Variants in MAST4 observed in about 807,000 individuals in gnomAD.
MAST4 encodes the protein microtubule associated serine/threonine kinase family member 4.
In MAST4, 89 loss-of-function variants were observed where a neutral mutation model predicts 162.7. That is an observed-to-expected ratio of 0.55 (90% CI 0.46 to 0.65). The LOEUF (loss-of-function observed/expected upper bound fraction) is 0.65, where lower values mean the gene tolerates loss of function less well. MAST4 is among the 30% of genes least tolerant of loss of function. The probability of loss-of-function intolerance (pLI) is 0.00; values close to 1 mark genes in which losing one functional copy is unlikely to be tolerated. For synonymous variants in MAST4, 1,479 were observed against 1,361.1 expected, an observed-to-expected ratio of 1.09 and a Z score of -1.91; for missense variants, 3,153 against 3,374.0, an observed-to-expected ratio of 0.93 and a Z score of 1.62.
chr5:66,627,830 C>T (rs1220291519), intron 1 of MAST4, among the ~76,000 whole-genome samples: 1 of 151,944 alleles, frequency 6.6e-6, no homozygotes, highest in African/African-American at 2.4e-5. Context: ...TATTGTCACT[C>T]CAGTTTCATT....
intron 3 of MAST4, among the ~76,000 whole-genome samples, chr5:66,876,417 G>T (rs992747402): frequency 6.6e-6 from 1 of 152,102 alleles, no homozygotes; most frequent in Non-Finnish European, 1.5e-5. Context: ...GGAGATAGGG[G>T]ATGTGACACA....
intron 2 of MAST4, among the ~76,000 whole-genome samples, chr5:66,787,157 A>G (rs1411870239): frequency 6.6e-6 from 1 of 152,218 alleles, no homozygotes; most frequent in Non-Finnish European, 1.5e-5. Flanking sequence ...AATAGTTAAC[A>G]TTTACTGAGT....
At chr5:66,655,802 G>A (rs1172809272) in intron 1 of MAST4, among the ~76,000 whole-genome samples, 1 of 152,198 alleles carries the variant, frequency 6.6e-6, no homozygotes, top group African/African-American at 2.4e-5. Context: ...TGCCTCATTA[G>A]TAAACAGGCC....
In MAST4 at chr5:67,166,443, C is replaced by T. The variant is rs927889745; in HGVS notation, c.7264C>T (p.Pro2422Ser). 4 of 1,602,446 alleles carry T rather than the reference C, an allele frequency of 2.5e-6. No homozygotes were observed. The highest frequency in any genetic ancestry group is 3.4e-6 in the Non-Finnish European group (4 of 1,174,274). Residue 2422 changes from proline (P) to serine (S), a missense_variant, in exon 29 of 29, where the codon CCC becomes TCC. By Grantham distance (74) the Pro-to-Ser change is moderately conservative. This residue lies in a region of MAST4 where 1,644 missense variants were observed against 1,495.0 expected (regional missense o/e 1.10). Transcript: ENST00000403625. ...KGFPEARGKG[P>S]GPQKPPTEAD... is the part of the protein sequence containing the mutation. ...CTTCCCTGAGGCCAGAGGGAAAGGG[C>T]CCGGTCCCCAGAAGCCACCGACGGA...
At chr5:66,634,785 G>A (rs1020695933) in intron 1 of MAST4, among the ~76,000 whole-genome samples, 1 of 152,250 alleles carries the variant, frequency 6.6e-6, no homozygotes, top group Admixed American at 6.5e-5. Context: ...TGGGCCCAAG[G>A]TAGGGCTTGA....
At chr5:67,015,869 C>T (rs1279489705) in intron 4 of MAST4, among the ~76,000 whole-genome samples, 1 of 152,194 alleles carries the variant, frequency 6.6e-6, no homozygotes, top group Non-Finnish European at 1.5e-5. Flanking sequence ...CTGAATCACT[C>T]TCTGAAACCT....
intron 4 of MAST4, among the ~76,000 whole-genome samples, chr5:66,962,593 G>T (rs1232044671): frequency 6.6e-6 from 1 of 152,062 alleles, no homozygotes; most frequent in East Asian, 1.9e-4. Flanking sequence ...TTATAGTCCT[G>T]GCTACTTGGG....
At chr5:67,082,932 G>T (rs1762838313) in intron 5 of MAST4, among the ~76,000 whole-genome samples, 1 of 152,200 alleles carries the variant, frequency 6.6e-6, no homozygotes, top group East Asian at 1.9e-4. Context: ...TCACCAAAAA[G>T]GGAGGTTGGG....
intron 3 of MAST4, among the ~76,000 whole-genome samples, chr5:66,800,030 T>C (rs936523466): frequency 1.3e-5 from 2 of 152,212 alleles, no homozygotes; most frequent in African/African-American, 4.8e-5. Flanking sequence ...GGAGCTGATG[T>C]ATTATTAGAT....
At chr5:66,830,414 G>A (rs1757521193) in intron 3 of MAST4, among the ~76,000 whole-genome samples, 1 of 152,014 alleles carries the variant, frequency 6.6e-6, no homozygotes, top group East Asian at 1.9e-4. Context: ...TTAAAATAAT[G>A]GAGCTATTTT....
chr5:66,955,526 A>G (rs1351193381), intron 4 of MAST4, among the ~76,000 whole-genome samples: 1 of 152,138 alleles, frequency 6.6e-6, no homozygotes, highest in Non-Finnish European at 1.5e-5. Context: ...TCAAACATAC[A>G]CTGAAGTACA....
At chr5:67,055,313 T>C (rs1161541498) in intron 5 of MAST4, among the ~76,000 whole-genome samples, 1 of 152,180 alleles carries the variant, frequency 6.6e-6, no homozygotes, top group Non-Finnish European at 1.5e-5. Flanking sequence ...ATCTGTGTTA[T>C]AGGAAGGTAT....
intron 1 of MAST4, among the ~76,000 whole-genome samples, chr5:66,712,438 A>G (rs972295202): frequency 2.0e-5 from 3 of 152,200 alleles, no homozygotes; most frequent in Non-Finnish European, 4.4e-5. Context: ...AGGATTTTCC[A>G]AAGTGTGTTT....
At chr5:67,118,659 A>C (rs536597736) in intron 12 of MAST4, 23 bp from the exon 13 acceptor site, 2 of 1,448,142 alleles carry the variant, frequency 1.4e-6, no homozygotes, top group South Asian at 2.5e-5. Context: ...TATTAAGCTT[A>C]ACTTTTTTTT....
At chr5:67,023,265 T>G (rs1581233733) in intron 4 of MAST4, among the ~76,000 whole-genome samples, 1 of 152,160 alleles carries the variant, frequency 6.6e-6, no homozygotes, top group Non-Finnish European at 1.5e-5. Context: ...TCTGGAGAGA[T>G]AGTGAGATAA....
chr5:66,894,645 G>A (rs1482393679), intron 3 of MAST4, among the ~76,000 whole-genome samples: 2 of 152,320 alleles, frequency 1.3e-5, no homozygotes, highest in African/African-American at 4.8e-5. Flanking sequence ...ATGAAAGAAA[G>A]ATGATGATGG....
chr5:66,846,028 G>A (rs893695881), intron 3 of MAST4, among the ~76,000 whole-genome samples: 3 of 152,096 alleles, frequency 2.0e-5, no homozygotes, highest in Non-Finnish European at 4.4e-5. Context: ...ACATACCCTT[G>A]GAGGAGGTGC....
intron 1 of MAST4, among the ~76,000 whole-genome samples, chr5:66,718,951 C>T (rs1580283484): frequency 6.6e-6 from 1 of 152,222 alleles, no homozygotes; most frequent in South Asian, 2.1e-4. Context: ...TAGACTGTAA[C>T]TTCCCTCTTC....
At chr5:66,839,965 AT>A (rs1035241298) in intron 3 of MAST4, among the ~76,000 whole-genome samples, 2,712 of 148,162 alleles carry the variant, frequency 0.018, 34 homozygotes, top group Non-Finnish European at 0.026. Flanking sequence ...CATATTGACA[AT>A]TTTTTTTTTT....
Sources: gnomAD v4.1 joint callset for allele counts (sites outside exome capture counted in the v4.1 genomes callset) on GRCh38, gnomAD v4.1.1 for gene constraint, gnomAD v4.1.1 regional missense constraint, MANE v1.5 for transcripts, NCBI Gene and HGNC (gene_info 2026-07-23, HGNC 2026-07-21) for gene names.